SEMA5A: variants seen among roughly 807,000 people sequenced by gnomAD.
The protein encoded by SEMA5A is semaphorin-5A.
Under a neutral mutation model 135.5 loss-of-function variants are expected in SEMA5A, and 55 were observed. The ratio of observed to expected loss-of-function variants is 0.41; its 90% CI spans 0.33 to 0.51. SEMA5A has a LOEUF of 0.51. SEMA5A is among the 20% of genes least tolerant of loss of function. SEMA5A has a pLI of 0.37. For missense variants in SEMA5A, 1,290 were observed against 1,419.9 expected, an observed-to-expected ratio of 0.91 and a Z score of 1.47; for synonymous variants, 580 against 546.5, an observed-to-expected ratio of 1.06 and a Z score of -0.85.
intron 1 of SEMA5A, among the ~76,000 whole-genome samples, chr5:9,539,442 T>C (rs1737958490): frequency 6.6e-6 from 1 of 152,216 alleles, no homozygotes; most frequent in Non-Finnish European, 1.5e-5. Flanking sequence ...AAGCCTGCCA[T>C]ATTTTTAAAA....
intron 5 of SEMA5A, among the ~76,000 whole-genome samples, chr5:9,272,791 C>T (rs1322285053): frequency 6.6e-6 from 1 of 152,124 alleles, no homozygotes; most frequent in Non-Finnish European, 1.5e-5. Context: ...AGAAGGAACA[C>T]TAACAAACAA....
At position 9,479,488 on chromosome 5, in the gene SEMA5A, A is replaced by T. The variant is rs547244271; in HGVS notation, c.-174-41636T>A. ...GCCTTGGACGTGGGCTCTGCAGCTT[A>T]TAAGTGTTCCATCTGGAGTGTCGGA... On this transcript the variant is annotated intron_variant, in intron 1 of 22. Transcript: ENST00000382496. Among the ~76,000 whole-genome samples the T allele has an allele frequency of 2.6e-4, 39 of 152,286 alleles. No individual in the cohort carries two copies. In the South Asian group the frequency reaches 7.9e-3, roughly 31 times the overall value.
At chr5:9,303,943 C>G (rs2150620772) in intron 5 of SEMA5A, among the ~76,000 whole-genome samples, 1 of 152,212 alleles carries the variant, frequency 6.6e-6, no homozygotes, top group Admixed American at 6.5e-5. Context: ...AAAATATTCC[C>G]TTTTGTAAAA....
chr5:9,379,735 A>G, intron 3 of SEMA5A, 88 bp downstream of exon 3: 1 of 1,490,504 alleles, frequency 6.7e-7, no homozygotes, highest in South Asian at 1.2e-5. Context: ...ATTATACAGC[A>G]TTCGTGATGC....
intron 16 of SEMA5A, among the ~76,000 whole-genome samples, chr5:9,080,461 G>T (rs1738314130): frequency 6.6e-6 from 1 of 151,498 alleles, no homozygotes; most frequent in African/African-American, 2.4e-5. Flanking sequence ...GTTGATGGGT[G>T]CAGCAAACCA....
intron 5 of SEMA5A, among the ~76,000 whole-genome samples, chr5:9,245,345 G>A (rs982798494): frequency 9.2e-5 from 14 of 152,002 alleles, no homozygotes; most frequent in Non-Finnish European, 1.0e-4. Context: ...GCATTCCCTG[G>A]GGGTCTTGGA....
chr5:9,158,053 G>A (rs1253769083), intron 11 of SEMA5A, among the ~76,000 whole-genome samples: 2 of 152,196 alleles, frequency 1.3e-5, no homozygotes, highest in East Asian at 3.8e-4. Context: ...TATGTGTAGT[G>A]GCTGCTATTA....
intron 11 of SEMA5A, among the ~76,000 whole-genome samples, chr5:9,167,787 T>A (rs1743694137): frequency 6.6e-6 from 1 of 152,176 alleles, no homozygotes; most frequent in Non-Finnish European, 1.5e-5. Flanking sequence ...TTATGGGACA[T>A]AAGCTTTCCT....
In SEMA5A at chr5:9,154,553, G is replaced by A. The variant is rs377487102; in HGVS notation, c.1416C>T (p.Phe472=). The A allele has an allele frequency of 4.3e-6, 7 of 1,612,976 alleles. No individual in the cohort carries two copies. The highest frequency in any genetic ancestry group is 2.7e-5 in the African/African-American group (2 of 74,882). ...LQILHSQSVL[F]VGLREHVVKI... ...TGACCACGTGCTCCCGCAGGCCCAC[G>A]AACAGGACACTCTGGCTGTGCAGGA... The change falls in exon 12 of 23, where the codon TTC becomes TTT. Residue 472 remains phenylalanine (F), a synonymous_variant. Transcript: ENST00000382496.
At chr5:9,059,829 T>C (rs763814307) in intron 18 of SEMA5A, among the ~76,000 whole-genome samples, 1 of 152,198 alleles carries the variant, frequency 6.6e-6, no homozygotes, top group African/African-American at 2.4e-5. Flanking sequence ...GGATTACAAG[T>C]GTGAGCCTCC....
At chr5:9,520,284 G>C (rs903247353) in intron 1 of SEMA5A, among the ~76,000 whole-genome samples, 1 of 152,218 alleles carries the variant, frequency 6.6e-6, no homozygotes, top group Admixed American at 6.5e-5. Context: ...GCTCTGCCTC[G>C]TGGGACCCAC....
chr5:9,110,895 G>C (rs920675717), intron 15 of SEMA5A, among the ~76,000 whole-genome samples: 36 of 152,128 alleles, frequency 2.4e-4, no homozygotes, highest in African/African-American at 7.7e-4. Context: ...CGTAGTAGGG[G>C]AAGGGAAAGG....
intron 1 of SEMA5A, among the ~76,000 whole-genome samples, chr5:9,501,200 T>C (rs1561302037): frequency 6.6e-6 from 1 of 152,358 alleles, no homozygotes; most frequent in South Asian, 2.1e-4. Flanking sequence ...CATGCAATTG[T>C]GTCAAAATGG....
chr5:9,116,242 C>T (rs73045639), intron 15 of SEMA5A, among the ~76,000 whole-genome samples: 3,185 of 152,204 alleles, frequency 0.021, 62 homozygotes, highest in African/African-American at 0.054. Context: ...CAAAAAGAAA[C>T]GTGTGTTGTT....
At chr5:9,313,277 AT>A (rs1561136197) in intron 5 of SEMA5A, among the ~76,000 whole-genome samples, 1 of 152,168 alleles carries the variant, frequency 6.6e-6, no homozygotes, top group Non-Finnish European at 1.5e-5. Context: ...AGGAATGAAT[AT>A]ATCAGTCAGG....
At chr5:9,097,684 G>A (rs983742687) in intron 16 of SEMA5A, among the ~76,000 whole-genome samples, 3 of 151,882 alleles carry the variant, frequency 2.0e-5, no homozygotes, top group African/African-American at 4.8e-5. Context: ...ATCCTGGGGT[G>A]GGGAGAGTGT....
intron 16 of SEMA5A, among the ~76,000 whole-genome samples, chr5:9,089,454 A>G (rs1262459898): frequency 6.6e-6 from 1 of 151,134 alleles, no homozygotes; most frequent in Admixed American, 6.6e-5. Context: ...CTCCCCCCAT[A>G]AAGGCTCAGC....
Position 9,050,428 on chromosome 5 carries a change from C to G in SEMA5A, c.2875G>C (p.Glu959Gln). The G allele has an allele frequency of 6.2e-7, 1 of 1,612,944 alleles. No individual in the cohort carries two copies. The highest frequency in any genetic ancestry group is 8.5e-7 in the Non-Finnish European group (1 of 1,179,494). The change falls in exon 21 of 23, where the codon GAA (glutamate) becomes CAA (glutamine). Residue 959 changes from glutamate to glutamine, a missense_variant. Around this residue, in one of 3 missense-constraint regions of SEMA5A, gnomAD observed 1,029 missense variants for 1,086.6 expected, o/e 0.95. Transcript: ENST00000382496. ...AACGTACCTCCACACCTTTTCTCTT[C>G]TACGCTACTGGATCTTGCCACAGAT... Reference protein sequence around the residue: ...EVSVARSSSVEEKRCGEFNMF... With the variant: ...EVSVARSSSVQEKRCGEFNMF...
At chr5:9,353,317 A>ATGAAAGGAAAAGAAAGGAAAGGAAAG (rs1261140956) in intron 3 of SEMA5A, among the ~76,000 whole-genome samples, 1 of 53,472 alleles carries the variant, frequency 1.9e-5, no homozygotes, top group Non-Finnish European at 3.9e-5. Flanking sequence ...GGGAAGGGAA[A>ATGAAAGGAAAAGAAAGGAAAGGAAAG]GGAAGGAAAG....
Sources: gnomAD v4.1 joint callset for allele counts (sites outside exome capture counted in the v4.1 genomes callset) on GRCh38, gnomAD v4.1.1 for gene constraint, gnomAD v4.1.1 regional missense constraint, MANE v1.5 for transcripts, NCBI Gene and HGNC (gene_info 2026-07-23, HGNC 2026-07-21) for gene names.